The following COL19A1 variants were observed in gnomAD, a reference collection of about 807,000 sequenced individuals.
COL19A1 encodes the protein collagen type XIX alpha 1 chain, also known as collagen alpha-1(XIX) chain.
In COL19A1, 159 loss-of-function variants were observed where a neutral mutation model predicts 190.2. That is an observed-to-expected ratio of 0.84 (90% CI 0.73 to 0.95). The LOEUF is 0.95. Among genes scored for constraint, COL19A1 ranks in the 40% least tolerant of loss-of-function variants. The probability of loss-of-function intolerance (pLI) is 0.00; values close to 1 mark genes in which losing one functional copy is unlikely to be tolerated. For synonymous variants in COL19A1, 509 were observed against 458.9 expected, an observed-to-expected ratio of 1.11 and a Z score of -1.39; for missense variants, 1,418 against 1,431.9, an observed-to-expected ratio of 0.99 and a Z score of 0.16.
chr6:69,923,352 G>T (rs955590672), intron 4 of COL19A1, among the ~76,000 whole-genome samples: 5 of 152,158 alleles, frequency 3.3e-5, no homozygotes, highest in South Asian at 2.1e-4. Flanking sequence ...AAAACTAGCT[G>T]CCTAGCAGCT....
intron 14 of COL19A1, among the ~76,000 whole-genome samples, chr6:70,042,873 C>G (rs1779700894): frequency 6.6e-6 from 1 of 152,190 alleles, no homozygotes; most frequent in Non-Finnish European, 1.5e-5. Context: ...AGAAGCAACT[C>G]CTCACTTATT....
At chr6:70,060,724 C>T (rs1462889792) in intron 14 of COL19A1, among the ~76,000 whole-genome samples, 3 of 152,120 alleles carry the variant, frequency 2.0e-5, no homozygotes, top group African/African-American at 7.2e-5. Flanking sequence ...ACTGATTCCA[C>T]ATTACGGTGA....
At chr6:70,098,621 T>G (rs1229629356) in intron 15 of COL19A1, 1 of 392,130 alleles carries the variant, frequency 2.6e-6, no homozygotes, top group African/African-American at 2.1e-5. Flanking sequence ...AGAGCCACAG[T>G]GGTGGCACAA....
At chr6:70,026,417 C>T (rs1383158289) in intron 12 of COL19A1, among the ~76,000 whole-genome samples, 3 of 152,134 alleles carry the variant, frequency 2.0e-5, no homozygotes, top group Non-Finnish European at 2.9e-5. Flanking sequence ...TTCACATGCC[C>T]CAATAACAGG....
intron 12 of COL19A1, among the ~76,000 whole-genome samples, chr6:70,029,384 C>T (rs539893188): frequency 2.0e-4 from 30 of 152,162 alleles, no homozygotes; most frequent in East Asian, 7.7e-4. Context: ...CTTTAGATAA[C>T]GGTTTCTGCC....
At chr6:70,188,042 G>A in intron 46 of COL19A1, 33 bp from the exon 47 acceptor site, 11 of 1,611,686 alleles carry the variant, frequency 6.8e-6, no homozygotes, top group Non-Finnish European at 9.3e-6. Flanking sequence ...TGCTAGAAGA[G>A]ATTATTCTTT....
At chr6:70,118,324 T>C (rs1784696190) in intron 16 of COL19A1, among the ~76,000 whole-genome samples, 13 of 152,182 alleles carry the variant, frequency 8.5e-5, no homozygotes, top group Admixed American at 8.5e-4. Context: ...TTTAAATGCT[T>C]ATAGCTTATT....
intron 15 of COL19A1, among the ~76,000 whole-genome samples, chr6:70,070,507 T>A (rs1781485204): frequency 6.6e-6 from 1 of 152,124 alleles, no homozygotes; most frequent in Non-Finnish European, 1.5e-5. Context: ...ATGCCCTATT[T>A]ATCAAAAGAA....
rs1428897572 is a variant in COL19A1 at position 70,146,647 on chromosome 6, T to C, written c.1771-12T>C. On this transcript the variant is annotated splice_polypyrimidine_tract_variant and intron_variant, in intron 25 of 50. Transcript: ENST00000620364. ...TAGAAGAAGATATGTATTCATACTT[T>C]TTTTCTTTTAGGGATTAGATGGAAA... The C allele has an allele frequency of 1.2e-6, 2 of 1,600,264 alleles. No homozygotes were observed. Among genetic ancestry groups the C allele is most frequent in the Non-Finnish European group, 1.7e-6 (2 of 1,173,612 alleles).
chr6:70,169,925 A>C (rs1033729817), intron 40 of COL19A1, among the ~76,000 whole-genome samples: 1 of 152,180 alleles, frequency 6.6e-6, no homozygotes, highest in African/African-American at 2.4e-5. Context: ...AGATTAAGAT[A>C]AGAACTTTTT....
rs146818884 is a variant in COL19A1, at chr6:70,180,333, C to T, written c.2689C>T (p.Pro897Ser). The change falls in exon 43 of 51, where the codon CCT becomes TCT. Residue 897 changes from proline (P) to serine (S), a missense_variant. Physicochemically the swap from Pro to Ser is moderately conservative, Grantham distance 74. Transcript: ENST00000620364. Reference sequence around the variant, plus strand: ...CCAGGGAAAACCTGGTGCCCCAGGGCCTCCAGGAGTTCCAGGGGAACCGGT... The same window carrying T: ...CCAGGGAAAACCTGGTGCCCCAGGGTCTCCAGGAGTTCCAGGGGAACCGGT... ...GMSGKPGAPG[P>S]PGVPGEPGER... 1.6e-5 allele frequency: 26 copies of T among 1,614,032 alleles called. No homozygotes were observed. Among genetic ancestry groups the T allele is most frequent in the Non-Finnish European group, 2.1e-5 (25 of 1,180,016 alleles).
At chr6:70,075,120 A>C (rs1473842946) in intron 15 of COL19A1, among the ~76,000 whole-genome samples, 1 of 152,290 alleles carries the variant, frequency 6.6e-6, no homozygotes, top group East Asian at 1.9e-4. Context: ...ACATTTCTTC[A>C]GAATGTCTCC....
chr6:70,133,288 C>G (rs946555202), intron 18 of COL19A1, among the ~76,000 whole-genome samples: 3 of 152,184 alleles, frequency 2.0e-5, no homozygotes, highest in African/African-American at 7.2e-5. Context: ...CCCTTTGGAA[C>G]CCGACACTAC....
intron 16 of COL19A1, among the ~76,000 whole-genome samples, chr6:70,117,440 A>G (rs550347160): frequency 6.6e-6 from 1 of 152,336 alleles, no homozygotes; most frequent in South Asian, 2.1e-4. Context: ...CCGGTGGCAG[A>G]CATCATGGTA....
At chr6:70,173,428 A>G (rs533284432) in intron 41 of COL19A1, among the ~76,000 whole-genome samples, 3 of 152,354 alleles carry the variant, frequency 2.0e-5, no homozygotes, top group African/African-American at 4.8e-5. Context: ...GCAAAGAGCA[A>G]GGAAGACTAA....
chr6:70,065,978 G>A (rs546289018), intron 14 of COL19A1, among the ~76,000 whole-genome samples: 2 of 152,298 alleles, frequency 1.3e-5, no homozygotes, highest in East Asian at 3.9e-4. Flanking sequence ...TGGAGAAATA[G>A]GAACACTTTT....
chr6:70,071,648 A>T (rs1410972215), intron 15 of COL19A1, among the ~76,000 whole-genome samples: 1 of 152,062 alleles, frequency 6.6e-6, no homozygotes, highest in African/African-American at 2.4e-5. Flanking sequence ...TCCTTTATGG[A>T]TTCACACAGT....
At chr6:70,105,445 C>T (rs116927397) in intron 16 of COL19A1, among the ~76,000 whole-genome samples, 6,648 of 152,194 alleles carry the variant, frequency 0.044, 205 homozygotes, top group African/African-American at 0.084. Context: ...TGTGAGCCAC[C>T]GTGCCTGGCC....
At chr6:70,121,812 A>T (rs1251058158) in intron 16 of COL19A1, 68 bp from the exon 17 acceptor site, 3 of 979,170 alleles carry the variant, frequency 3.1e-6, no homozygotes, top group Non-Finnish European at 4.7e-6. Context: ...GTTCTTAGAT[A>T]TGTTATTTAA....
Sources: allele counts gnomAD v4.1 joint callset (sites outside exome capture counted in the v4.1 genomes callset), GRCh38; gene constraint gnomAD v4.1.1; transcripts MANE v1.5; gene names NCBI Gene and HGNC (gene_info 2026-07-23, HGNC 2026-07-21).